Variants in TFDP2 observed in about 807,000 individuals in gnomAD.
The protein encoded by TFDP2 is transcription factor Dp-2.
A neutral mutation model predicts 59.3 loss-of-function variants in TFDP2; 17 were observed. The observed-to-expected ratio is 0.29, with a 90% CI of 0.20 to 0.43. The LOEUF (loss-of-function observed/expected upper bound fraction) is 0.43. Among genes scored for constraint, TFDP2 ranks in the 20% least tolerant of loss-of-function variants. The pLI is 1.00. For missense variants in TFDP2, 391 were observed against 528.8 expected, an observed-to-expected ratio of 0.74 and a Z score of 2.56; for synonymous variants, 180 against 194.7, an observed-to-expected ratio of 0.92 and a Z score of 0.63.
chr3:142,009,820 T>C (rs1483368650), intron 3 of TFDP2, among the ~76,000 whole-genome samples: 3 of 152,018 alleles, frequency 2.0e-5, no homozygotes, highest in African/African-American at 7.2e-5. Flanking sequence ...ATAAAGGTAG[T>C]ATTTCAAACC....
At chr3:141,974,233 T>C in intron 7 of TFDP2, 42 bp from the exon 8 acceptor site, 1 of 1,521,172 alleles carries the variant, frequency 6.6e-7, no homozygotes, top group Non-Finnish European at 8.8e-7. Context: ...TCTTAAGGGT[T>C]AAGATACAGT....
At chr3:142,081,881 G>A (rs2060649087) in intron 3 of TFDP2, among the ~76,000 whole-genome samples, 1 of 152,176 alleles carries the variant, frequency 6.6e-6, no homozygotes, top group African/African-American at 2.4e-5. Flanking sequence ...CAACTTCACT[G>A]CTAAATCTTA....
At position 142,114,564 on chromosome 3, in the gene TFDP2, G is replaced by T. The variant is rs1432272621; in HGVS notation, c.-92-12723C>A. On this transcript the variant is annotated intron_variant, in intron 1 of 12. Transcript: ENST00000489671. ...CCCCCTATCAGACTCCACAGGATAT[G>T]ATGGAGATCGTGAAATTTTATACTA... Among the ~76,000 whole-genome samples, 3 of 152,016 alleles carry T rather than the reference G, an allele frequency of 2.0e-5. No homozygotes were observed. The East Asian group carries it at 5.8e-4, about 29-fold the overall frequency.
At position 142,106,401 on chromosome 3, in the gene TFDP2, T is replaced by C. The variant is rs1486189269; in HGVS notation, c.-92-4560A>G. 2.6e-5 allele frequency among the ~76,000 whole-genome samples: 4 copies of C among 152,386 alleles called. No homozygotes were observed. In the East Asian group the frequency reaches 5.8e-4, roughly 22 times the overall value. ...TGTATTGGCTTTGAGTGATACTTTA[T>C]AGCATTTTAATTTAAAAATACACAT... On this transcript the variant is annotated intron_variant, in intron 1 of 12. Transcript: ENST00000489671.
At chr3:142,137,124 G>A (rs1317299425) in intron 1 of TFDP2, among the ~76,000 whole-genome samples, 2 of 150,942 alleles carry the variant, frequency 1.3e-5, no homozygotes, top group Non-Finnish European at 3.0e-5. Context: ...TGGATTCCTA[G>A]GTATTTTACT....
At chr3:142,129,420 T>C in intron 1 of TFDP2, among the ~76,000 whole-genome samples, 1 of 151,734 alleles carries the variant, frequency 6.6e-6, no homozygotes. Context: ...TGGAGAATGA[T>C]ACCAAAGGCA....
intron 3 of TFDP2, among the ~76,000 whole-genome samples, chr3:142,033,465 C>T (rs1365955933): frequency 1.3e-5 from 2 of 152,108 alleles, no homozygotes; most frequent in African/African-American, 4.8e-5. Flanking sequence ...TACCAAAACC[C>T]CTATGCATGC....
intron 10 of TFDP2, among the ~76,000 whole-genome samples, chr3:141,960,843 A>G (rs1937261135): frequency 6.6e-6 from 1 of 152,204 alleles, no homozygotes; most frequent in Non-Finnish European, 1.5e-5. Context: ...TCATTGTGGA[A>G]AGCCTCTTGG....
At chr3:141,995,476 T>C (rs544138589) in intron 4 of TFDP2, among the ~76,000 whole-genome samples, 3 of 152,336 alleles carry the variant, frequency 2.0e-5, no homozygotes, top group East Asian at 1.9e-4. Context: ...GCAGTACAGC[T>C]TGATTTACTA....
intron 3 of TFDP2, among the ~76,000 whole-genome samples, chr3:142,018,343 A>T (rs1479431262): frequency 6.6e-6 from 1 of 152,224 alleles, no homozygotes; most frequent in African/African-American, 2.4e-5. Flanking sequence ...TATTACATAT[A>T]CTACTGCAAT....
At chr3:142,109,489 T>G (rs1055007236) in intron 1 of TFDP2, among the ~76,000 whole-genome samples, 1 of 152,106 alleles carries the variant, frequency 6.6e-6, no homozygotes, top group African/African-American at 2.4e-5. Flanking sequence ...CCAGCACCCC[T>G]GGCTAATTTT....
rs1209302446 is a variant in TFDP2 at position 142,131,962 on chromosome 3, CTT to C, written c.-93+17219_-93+17220del. 1.8e-4 allele frequency among the ~76,000 whole-genome samples: 26 copies of C among 141,990 alleles called. 3 individuals are homozygous for C. Among genetic ancestry groups the C allele is most frequent in the African/African-American group, 6.5e-4 (23 of 35,256 alleles). The allele number at this position is 141,990 out of a possible 152,430, so 93.2% of individuals were successfully genotyped here. ...CAGAGGTTGCAGTGAGCCAAAATCG[CTT>C]CATTGCACTCGTCTGGGCAATGGAG... On this transcript the variant is annotated intron_variant, in intron 1 of 12. Coordinates refer to ENST00000489671, the MANE Select transcript of TFDP2 (RefSeq NM_001178139.2).
chr3:142,086,087 C>T (rs1446400583), intron 3 of TFDP2, among the ~76,000 whole-genome samples: 2 of 152,148 alleles, frequency 1.3e-5, no homozygotes, highest in Non-Finnish European at 1.5e-5. Flanking sequence ...TGAGAACTTA[C>T]TGCCTCTCTC....
At chr3:142,026,540 G>A (rs999861181) in intron 3 of TFDP2, among the ~76,000 whole-genome samples, 4 of 152,084 alleles carry the variant, frequency 2.6e-5, no homozygotes, top group African/African-American at 4.8e-5. Context: ...AAATTACTAC[G>A]AATTTTCCAG....
rs2107818361 is a variant in TFDP2 at position 141,950,879 on chromosome 3, C to A, written c.*1634G>T. 1 of 152,400 alleles carries A rather than the reference C, an allele frequency of 6.6e-6. No individual in the cohort carries two copies. The highest frequency in any genetic ancestry group is 2.1e-4 in the South Asian group (1 of 4,828). The allele number at this position is 152,400 out of a possible 1,614,324, so 9.4% of individuals were successfully genotyped here. A position where few individuals can be genotyped will look rare whatever the true frequency, so the allele number is the denominator to read the frequency against. Reference sequence around the variant, plus strand: ...AACTGCCTCTATCTCTGAGTCTGTACTATGGCTTATTTCTGACAGAATGAA... The same window carrying A: ...AACTGCCTCTATCTCTGAGTCTGTAATATGGCTTATTTCTGACAGAATGAA... On this transcript the variant is annotated 3_prime_UTR_variant, in exon 13 of 13. Coordinates refer to ENST00000489671, the MANE Select transcript of TFDP2 (RefSeq NM_001178139.2).
intron 5 of TFDP2, chr3:141,994,815 T>C (rs1241140073): frequency 4.8e-6 from 2 of 419,164 alleles, no homozygotes; most frequent in Non-Finnish European, 4.2e-6. Flanking sequence ...TTATGAGTTA[T>C]TGCACTGTTT....
intron 1 of TFDP2, among the ~76,000 whole-genome samples, chr3:142,108,176 G>T (rs2061537896): frequency 6.6e-6 from 1 of 151,552 alleles, no homozygotes; most frequent in Non-Finnish European, 1.5e-5. Flanking sequence ...AGACAGCCAA[G>T]ACCACATGGT....
chr3:142,084,309 C>A (rs2060737398), intron 3 of TFDP2, among the ~76,000 whole-genome samples: 1 of 152,028 alleles, frequency 6.6e-6, no homozygotes, highest in Non-Finnish European at 1.5e-5. Flanking sequence ...TGGCTTTTAA[C>A]CAAGAGACAG....
At chr3:142,133,772 A>C (rs573399366) in intron 1 of TFDP2, among the ~76,000 whole-genome samples, 1 of 152,220 alleles carries the variant, frequency 6.6e-6, no homozygotes, top group Admixed American at 6.5e-5. Flanking sequence ...TGCTGGGATT[A>C]CAGGTGTGAG....
Sources: allele counts gnomAD v4.1 joint callset (sites outside exome capture counted in the v4.1 genomes callset), GRCh38; gene constraint gnomAD v4.1.1; transcripts MANE v1.5; gene names NCBI Gene and HGNC (gene_info 2026-07-23, HGNC 2026-07-21).